The following ADRA1B variants were observed in gnomAD, a reference collection of about 807,000 sequenced individuals.
ADRA1B encodes the protein adrenoceptor alpha 1B.
A neutral mutation model predicts 17.9 loss-of-function variants in ADRA1B; 17 were observed. That is an observed-to-expected ratio of 0.95 (90% CI 0.65 to 1.42). The LOEUF (loss-of-function observed/expected upper bound fraction) is 1.42, where lower values mean the gene tolerates loss of function less well. Ranked by LOEUF, ADRA1B falls within the 40% of genes most tolerant of loss-of-function variation. ADRA1B has a pLI of 0.00. For synonymous variants in ADRA1B, 366 were observed against 327.6 expected, an observed-to-expected ratio of 1.12 and a Z score of -1.27; for missense variants, 681 against 722.1, an observed-to-expected ratio of 0.94 and a Z score of 0.65.
chr5:159,950,581 A>G (rs1379478118), intron 1 of ADRA1B: 36 of 1,265,934 alleles, frequency 2.8e-5, no homozygotes, highest in Non-Finnish European at 4.0e-5. Context: ...GAGCTTGACA[A>G]AATGGTCTTT....
intron 1 of ADRA1B, among the ~76,000 whole-genome samples, chr5:159,889,342 C>T (rs1753958284): frequency 1.3e-5 from 2 of 151,884 alleles, no homozygotes; most frequent in African/African-American, 4.8e-5. Context: ...ATCACAAATA[C>T]ACATCTACAC....
intron 1 of ADRA1B, among the ~76,000 whole-genome samples, chr5:159,961,982 G>A (rs1290594646): frequency 2.6e-5 from 4 of 152,188 alleles, no homozygotes; most frequent in Non-Finnish European, 4.4e-5. Context: ...AGGCCGAGGC[G>A]AGGTTAGGAG....
chr5:159,892,332 T>C (rs1753991314), intron 1 of ADRA1B, among the ~76,000 whole-genome samples: 1 of 152,232 alleles, frequency 6.6e-6, no homozygotes, highest in Non-Finnish European at 1.5e-5. Flanking sequence ...GAGCATTACA[T>C]ATTTTTTTAA....
the ADRA1B span, among the ~76,000 whole-genome samples, chr5:159,983,838 C>T: frequency 4.2e-4 from 64 of 152,148 alleles, no homozygotes; most frequent in South Asian, 3.5e-3. Context: ...CCAAACTACT[C>T]TGGTATTTCC....
At chr5:159,903,681 C>T (rs1249457188) in intron 1 of ADRA1B, among the ~76,000 whole-genome samples, 1 of 152,180 alleles carries the variant, frequency 6.6e-6, no homozygotes, top group South Asian at 2.1e-4. Context: ...GCTCCATTCA[C>T]ACCCAGACAG....
chr5:159,868,688 T>C (rs896051597), intron 1 of ADRA1B: 2 of 152,196 alleles, frequency 1.3e-5, no homozygotes, highest in Non-Finnish European at 1.5e-5. Flanking sequence ...GAGGTTACAT[T>C]ACCTGAAAGA....
At chr5:159,988,477 A>C in the ADRA1B span, among the ~76,000 whole-genome samples, 19 of 152,234 alleles carry the variant, frequency 1.2e-4, no homozygotes, top group African/African-American at 4.6e-4. Context: ...AGACTCTAAA[A>C]GTGGTAAGAG....
At chr5:159,877,141 G>C (rs1753812432) in intron 1 of ADRA1B, among the ~76,000 whole-genome samples, 1 of 152,124 alleles carries the variant, frequency 6.6e-6, no homozygotes, top group Admixed American at 6.5e-5. Context: ...ATAAATCAAG[G>C]CTTGTTGCCT....
chr5:159,951,141 T>G (rs1314985169), intron 1 of ADRA1B: 2 of 748,062 alleles, frequency 2.7e-6, no homozygotes. Flanking sequence ...GGGGCAGAGA[T>G]GATGACCCTT....
chr5:159,963,288 G>GTA (rs10522262), intron 1 of ADRA1B, among the ~76,000 whole-genome samples: 3,713 of 132,570 alleles, frequency 0.028, 178 homozygotes, highest in African/African-American at 0.084. Flanking sequence ...AACAAAAAAA[G>GTA]TATATATATA....
At chr5:159,893,559 G>A (rs1754009302) in intron 1 of ADRA1B, among the ~76,000 whole-genome samples, 1 of 152,310 alleles carries the variant, frequency 6.6e-6, no homozygotes, top group South Asian at 2.1e-4. Flanking sequence ...AAGACTAGGG[G>A]TTGTACTAAG....
At chr5:159,981,866 T>G in the ADRA1B span, among the ~76,000 whole-genome samples, 1 of 152,178 alleles carries the variant, frequency 6.6e-6, no homozygotes, top group Admixed American at 6.5e-5. Context: ...TCCCCAGTGA[T>G]GCATACTTAG....
At chr5:159,880,869 G>T (rs1016983946) in intron 1 of ADRA1B, among the ~76,000 whole-genome samples, 5 of 152,150 alleles carry the variant, frequency 3.3e-5, no homozygotes, top group African/African-American at 9.7e-5. Context: ...TATCCTTCAT[G>T]CTGGTACCCA....
intron 1 of ADRA1B, among the ~76,000 whole-genome samples, chr5:159,871,958 T>G (rs907523441): frequency 6.6e-6 from 1 of 152,124 alleles, no homozygotes; most frequent in Non-Finnish European, 1.5e-5. Context: ...CTGGAGCCCT[T>G]CCCTACTACT....
At chr5:159,983,099 G>A in the ADRA1B span, among the ~76,000 whole-genome samples, 3 of 152,196 alleles carry the variant, frequency 2.0e-5, no homozygotes, top group Non-Finnish European at 2.9e-5. Flanking sequence ...ATTCAGGGTT[G>A]AAAGTAACCA....
chr5:159,979,129 C>A, the ADRA1B span, among the ~76,000 whole-genome samples: 2 of 151,842 alleles, frequency 1.3e-5, no homozygotes, highest in African/African-American at 4.8e-5. Context: ...ACTTTGAGAC[C>A]AGCCTGGGCA....
At chr5:159,976,649 CAA>C (rs778613423), downstream of ADRA1B, among the ~76,000 whole-genome samples, 16 of 100,330 alleles carry the variant, frequency 1.6e-4, no homozygotes, top group South Asian at 3.1e-4. Context: ...CTCACTGTCT[CAA>C]AAAAAAAAAA....
At chr5:159,961,433 C>T (rs1755662833) in intron 1 of ADRA1B, among the ~76,000 whole-genome samples, 1 of 152,174 alleles carries the variant, frequency 6.6e-6, no homozygotes, top group African/African-American at 2.4e-5. Flanking sequence ...ATTCACTGGA[C>T]AAGTTTATGA....
intron 1 of ADRA1B, among the ~76,000 whole-genome samples, chr5:159,911,214 C>G (rs553166368): frequency 1.2e-3 from 182 of 152,270 alleles, no homozygotes; most frequent in Middle Eastern, 6.8e-3. Flanking sequence ...AGCCCATGGC[C>G]AGCAAGGGTC....
Sources: allele counts gnomAD v4.1 joint callset (sites outside exome capture counted in the v4.1 genomes callset), GRCh38; gene constraint gnomAD v4.1.1; transcripts MANE v1.5; gene names NCBI Gene and HGNC (gene_info 2026-07-23, HGNC 2026-07-21).